Variants in CDC45 observed in about 807,000 individuals in gnomAD.
The protein encoded by CDC45 is cell division cycle 45, also known as cell division control protein 45 homolog.
CDC45 carries 54 observed loss-of-function variants against 77.8 expected under a neutral mutation model. That is an observed-to-expected ratio of 0.69 (90% CI 0.56 to 0.87). The LOEUF (loss-of-function observed/expected upper bound fraction) is 0.87, where lower values mean the gene tolerates loss of function less well. CDC45 is among the 40% of genes least tolerant of loss of function. The probability of loss-of-function intolerance (pLI) is 0.00; values close to 1 mark genes in which losing one functional copy is unlikely to be tolerated. For missense variants in CDC45, 649 were observed against 721.6 expected (o/e 0.90, Z 1.15); for synonymous variants, 260 against 272.1 (o/e 0.96, Z 0.44).
Position 19,497,446 on chromosome 22 carries a change from T to C in CDC45, c.652T>C (p.Trp218Arg), listed in dbSNP as rs1438454581. Residue 218 changes from tryptophan (W) to arginine (R), a missense_variant and splice_region_variant, in exon 8 of 19, where the codon TGG becomes CGG. Physicochemically the swap from Trp to Arg is moderately radical, Grantham distance 101. Coordinates refer to ENST00000263201, the MANE Select transcript of CDC45 (RefSeq NM_003504.5). Reference sequence around the variant, plus strand: ...GTCCAAGGACCTGAATGACATGCTGTGGTACGTAGCCCCTGCGGCAGCTGT... The same window carrying C: ...GTCCAAGGACCTGAATGACATGCTGCGGTACGTAGCCCCTGCGGCAGCTGT... The part of the protein sequence containing the change: ...MLSKDLNDML[W>R]WAIVGLTDQW... The C allele has an allele frequency of 3.1e-6, 5 of 1,613,700 alleles. No individual in the cohort carries two copies. Among genetic ancestry groups the C allele is most frequent in the Middle Eastern group, 1.7e-4 (1 of 6,058 alleles).
chr22:19,504,443 G>C (rs1311478574), intron 9 of CDC45, among the ~76,000 whole-genome samples: 3 of 152,194 alleles, frequency 2.0e-5, no homozygotes, highest in African/African-American at 7.2e-5. Flanking sequence ...GGGATTACCA[G>C]TATGCAGCAA....
intron 4 of CDC45, among the ~76,000 whole-genome samples, chr22:19,483,264 C>G (rs1384052952): frequency 6.6e-6 from 1 of 151,984 alleles, no homozygotes; most frequent in Non-Finnish European, 1.5e-5. Context: ...AACCCCGTCT[C>G]TACTAAAAAT....
Position 19,508,636 on chromosome 22 carries a change from G to A in CDC45, c.1162G>A (p.Glu388Lys), listed in dbSNP as rs754778865. 8 of 1,614,208 alleles carry A rather than the reference G, an allele frequency of 5.0e-6. No individual in the cohort carries two copies. Among genetic ancestry groups the A allele is most frequent in the African/African-American group, 2.7e-5 (2 of 75,058 alleles). ...FATMSLMESP[E>K]KDGSGTDHFI... The stretch of plus-strand genomic sequence containing the variant: ...CACCATGTCTTTGATGGAGAGCCCC[G>A]AGAAGGATGGCTCAGGGACAGATCA... Residue 388 changes from glutamate to lysine, a missense_variant, in exon 13 of 19, where the codon GAG (glutamate) becomes AAG (lysine). Glu to Lys is a moderately conservative substitution (Grantham distance 56, BLOSUM62 1). Coordinates refer to ENST00000263201, the MANE Select transcript of CDC45 (RefSeq NM_003504.5).
chr22:19,486,693 A>T (rs187450662), intron 5 of CDC45, among the ~76,000 whole-genome samples: 267 of 152,044 alleles, frequency 1.8e-3, no homozygotes, highest in African/African-American at 6.3e-3. Flanking sequence ...GTATATATAT[A>T]TTTTTTTGAG....
At chr22:19,479,671 C>A, upstream of CDC45, 1 of 684,684 alleles carries the variant, frequency 1.5e-6, no homozygotes. Flanking sequence ...GATGTCCGCC[C>A]AGCGTCGCTT....
chr22:19,511,541 G>T (rs1425505020), intron 13 of CDC45, among the ~76,000 whole-genome samples: 1 of 151,954 alleles, frequency 6.6e-6, no homozygotes, highest in African/African-American at 2.4e-5. Context: ...TGTTGCTCAG[G>T]CTGGTCTCAA....
At chr22:19,498,642 C>T (rs2090286276) in intron 8 of CDC45, among the ~76,000 whole-genome samples, 1 of 152,222 alleles carries the variant, frequency 6.6e-6, no homozygotes, top group African/African-American at 2.4e-5. Flanking sequence ...CAACTAGGGC[C>T]CCCTGTGCTG....
chr22:19,499,256 A>T, intron 9 of CDC45, 105 bp downstream of exon 9: 6 of 1,164,026 alleles, frequency 5.2e-6, no homozygotes, highest in Non-Finnish European at 7.7e-6. Context: ...GTAGGGTCCT[A>T]TTGAGAAGTG....
At chr22:19,507,898 A>T (rs1282684774) in intron 12 of CDC45, 34 bp downstream of exon 12, 1 of 1,406,680 alleles carries the variant, frequency 7.1e-7, no homozygotes, top group Admixed American at 1.9e-5. Flanking sequence ...TATCTTCATT[A>T]CATCCAGGTT....
Position 19,520,176 on chromosome 22 carries a change from G to T in CDC45, c.*2-305G>T, listed in dbSNP as rs1934032617. Among the ~76,000 whole-genome samples the T allele has an allele frequency of 6.6e-6, 1 of 152,230 alleles. No individual in the cohort carries two copies. Among genetic ancestry groups the T allele is most frequent in the African/African-American group, 2.4e-5 (1 of 41,466 alleles). On this transcript the variant is annotated intron_variant, in intron 18 of 18. Transcript: ENST00000263201. The surrounding 1 kb of genome is among the most constrained non-coding windows in gnomAD (Gnocchi z 4.5). ...TGGGCTAGGAGGGCTGAGCAGCAGA[G>T]TGCCGAGGGATGGAGGGAGAGCCCC...
intron 5 of CDC45, among the ~76,000 whole-genome samples, chr22:19,492,151 A>G (rs1452276825): frequency 1.3e-5 from 2 of 152,110 alleles, no homozygotes; most frequent in African/African-American, 2.4e-5. Flanking sequence ...TATGTCTTCA[A>G]GTGTGTTTTC....
intron 10 of CDC45, 130 bp downstream of exon 10, chr22:19,505,611 G>A: frequency 1.0e-6 from 1 of 1,002,858 alleles, no homozygotes; most frequent in Non-Finnish European, 1.5e-6. Context: ...GAAGTTTTGG[G>A]GGAAGGGGCT....
intron 5 of CDC45, among the ~76,000 whole-genome samples, chr22:19,485,908 C>T (rs28539382): frequency 0.03 from 4,533 of 152,122 alleles, 237 homozygotes; most frequent in African/African-American, 0.1. Flanking sequence ...GAGAACCTGT[C>T]TCAAAAAAAA....
At chr22:19,484,170 C>A (rs2090029326) in intron 5 of CDC45, among the ~76,000 whole-genome samples, 165 bp downstream of exon 5, 1 of 152,184 alleles carries the variant, frequency 6.6e-6, no homozygotes. Context: ...GGTTATGTGG[C>A]CTCAGGCAGG....
At chr22:19,510,008 G>A (rs912524022) in intron 13 of CDC45, among the ~76,000 whole-genome samples, 2 of 152,212 alleles carry the variant, frequency 1.3e-5, no homozygotes, top group East Asian at 3.9e-4. Flanking sequence ...GTTGCCCAGG[G>A]TGGAATGCAA....
intron 9 of CDC45, among the ~76,000 whole-genome samples, chr22:19,500,767 C>T (rs1479474290): frequency 4.6e-5 from 7 of 152,174 alleles, no homozygotes; most frequent in Non-Finnish European, 8.8e-5. Flanking sequence ...GATCTCCTCC[C>T]ATCTCCTTAC....
rs777622836 is a variant in CDC45, at chr22:19,494,324, C to T, written c.487-3C>T. 6.2e-7 allele frequency: 1 copy of T among 1,612,258 alleles called. No homozygotes were observed. The highest frequency in any genetic ancestry group is 1.7e-5 in the Admixed American group (1 of 60,016). On this transcript the variant is annotated splice_polypyrimidine_tract_variant and splice_region_variant and intron_variant, in intron 5 of 18. Transcript: ENST00000263201. ...CCTTTTGTTCTCTTTGTCCCTGTAT[C>T]AGGAGATAGTGGAGCAAACCATGCG...
intron 2 of CDC45, among the ~76,000 whole-genome samples, chr22:19,480,510 A>G (rs550044984): frequency 8.5e-5 from 13 of 152,128 alleles, no homozygotes; most frequent in African/African-American, 3.1e-4. Context: ...CATTTGGGGG[A>G]AACTTTGGAT....
At chr22:19,516,504 G>A (rs1933797814) in intron 15 of CDC45, 23 bp from the exon 16 acceptor site, 1 of 1,592,450 alleles carries the variant, frequency 6.3e-7, no homozygotes. Context: ...TACCCTGACG[G>A]AGGGTGCTCT....
Sources: allele counts gnomAD v4.1 joint callset (sites outside exome capture counted in the v4.1 genomes callset), GRCh38; gene constraint gnomAD v4.1.1; non-coding constraint Gnocchi (gnomAD v3.1); transcripts MANE v1.5; gene names NCBI Gene and HGNC (gene_info 2026-07-23, HGNC 2026-07-21).